Variants in PTPRK observed in about 807,000 individuals in gnomAD.
PTPRK encodes the protein protein tyrosine phosphatase receptor type K, also known as receptor-type tyrosine-protein phosphatase kappa.
PTPRK carries 75 observed loss-of-function variants against 178.0 expected under a neutral mutation model. The ratio of observed to expected loss-of-function variants is 0.42; its 90% CI spans 0.35 to 0.51. The LOEUF (loss-of-function observed/expected upper bound fraction) is 0.51. PTPRK is among the 20% of genes least tolerant of loss of function. The probability of loss-of-function intolerance (pLI) is 0.02; values close to 1 mark genes in which losing one functional copy is unlikely to be tolerated. For missense variants in PTPRK, 1,441 were observed against 1,797.8 expected, an observed-to-expected ratio of 0.80 and a Z score of 3.59; for synonymous variants, 637 against 620.6, an observed-to-expected ratio of 1.03 and a Z score of -0.39.
intron 3 of PTPRK, among the ~76,000 whole-genome samples, chr6:128,299,434 A>G (rs13220411): frequency 3.4e-4 from 51 of 151,538 alleles, no homozygotes; most frequent in Admixed American, 3.4e-3. Flanking sequence ...AGCCAAAAGA[A>G]CAAAGCTGGA....
intron 15 of PTPRK, chr6:128,003,070 A>G: frequency 1.2e-6 from 1 of 857,756 alleles, no homozygotes; most frequent in Non-Finnish European, 1.9e-6. Context: ...TCTCTTTGAT[A>G]ATACCATGGC....
intron 3 of PTPRK, among the ~76,000 whole-genome samples, chr6:128,286,198 C>T (rs533307228): frequency 2.6e-5 from 4 of 152,242 alleles, no homozygotes; most frequent in South Asian, 2.1e-4. Context: ...TACTAGGTGA[C>T]GTCATGGTGT....
At chr6:128,295,527 G>A (rs984961741) in intron 3 of PTPRK, among the ~76,000 whole-genome samples, 4 of 152,062 alleles carry the variant, frequency 2.6e-5, no homozygotes, top group Admixed American at 1.3e-4. Context: ...ATGTGTAAAA[G>A]ATGCAGCAAT....
chr6:128,499,621 T>C (rs1385333475), intron 1 of PTPRK, among the ~76,000 whole-genome samples: 3 of 152,232 alleles, frequency 2.0e-5, no homozygotes, highest in Non-Finnish European at 2.9e-5. Flanking sequence ...GTTGTGTGAA[T>C]AGGATTTATA....
At chr6:128,490,980 T>C (rs755304336) in intron 1 of PTPRK, among the ~76,000 whole-genome samples, 1 of 152,202 alleles carries the variant, frequency 6.6e-6, no homozygotes, top group Non-Finnish European at 1.5e-5. Context: ...ATGACCTCTT[T>C]AAAGTCCCTA....
intron 2 of PTPRK, among the ~76,000 whole-genome samples, chr6:128,365,684 T>C (rs1835383014): frequency 6.6e-6 from 1 of 152,138 alleles, no homozygotes; most frequent in Admixed American, 6.6e-5. Context: ...GTTATCAATA[T>C]CAGCCTTGTC....
At chr6:128,116,230 G>A in intron 7 of PTPRK, among the ~76,000 whole-genome samples, 1 of 151,982 alleles carries the variant, frequency 6.6e-6, no homozygotes. Flanking sequence ...TTTAGATTTA[G>A]GACCTACAAC....
intron 3 of PTPRK, among the ~76,000 whole-genome samples, chr6:128,282,300 A>G (rs1201617062): frequency 6.6e-6 from 1 of 152,238 alleles, no homozygotes; most frequent in African/African-American, 2.4e-5. Flanking sequence ...TATAAACATA[A>G]AAGTACTAAT....
intron 1 of PTPRK, among the ~76,000 whole-genome samples, chr6:128,425,340 G>A (rs1227558180): frequency 6.6e-6 from 1 of 152,026 alleles, no homozygotes; most frequent in Non-Finnish European, 1.5e-5. Flanking sequence ...GCCTCCCAAA[G>A]TGCTGGGATT....
chr6:128,506,930 C>CATT (rs1856460035), intron 1 of PTPRK, among the ~76,000 whole-genome samples: 1 of 152,094 alleles, frequency 6.6e-6, no homozygotes, highest in Non-Finnish European at 1.5e-5. Flanking sequence ...CTGGCAATTT[C>CATT]ATTAACAATA....
intron 7 of PTPRK, among the ~76,000 whole-genome samples, chr6:128,099,069 T>G (rs911266672): frequency 2.0e-5 from 3 of 151,802 alleles, no homozygotes; most frequent in Non-Finnish European, 2.9e-5. Context: ...AATATAACAT[T>G]GATTAAATTT....
intron 6 of PTPRK, among the ~76,000 whole-genome samples, chr6:128,208,897 T>C (rs535875842): frequency 1.3e-5 from 2 of 152,248 alleles, no homozygotes; most frequent in South Asian, 2.1e-4. Context: ...TTAACATCTA[T>C]GCTCTCAAAT....
At chr6:128,440,903 G>A (rs762564731) in intron 1 of PTPRK, among the ~76,000 whole-genome samples, 2 of 151,692 alleles carry the variant, frequency 1.3e-5, no homozygotes, top group Non-Finnish European at 2.9e-5. Flanking sequence ...TATCTTGTAC[G>A]TAGACATTTT....
chr6:127,984,361 T>C (rs898420916), intron 22 of PTPRK, among the ~76,000 whole-genome samples: 26 of 152,204 alleles, frequency 1.7e-4, no homozygotes, highest in African/African-American at 6.3e-4. Flanking sequence ...TGTCCTTTAA[T>C]TGTAATATAC....
intron 1 of PTPRK, among the ~76,000 whole-genome samples, chr6:128,509,311 T>A (rs62425737): frequency 6.6e-6 from 1 of 152,118 alleles, no homozygotes; most frequent in Non-Finnish European, 1.5e-5. Context: ...AGGAAATACA[T>A]ATATGTGAAA....
At chr6:128,151,776 G>A (rs529605004) in intron 7 of PTPRK, among the ~76,000 whole-genome samples, 1 of 152,010 alleles carries the variant, frequency 6.6e-6, no homozygotes, top group Non-Finnish European at 1.5e-5. Context: ...GAGTGATCAA[G>A]GAAACAGAAT....
chr6:128,390,911 G>C (rs1037439423), intron 2 of PTPRK, among the ~76,000 whole-genome samples: 1 of 152,162 alleles, frequency 6.6e-6, no homozygotes. Context: ...TTTTCTAAAA[G>C]TGCTTGAGTC....
chr6:128,330,943 T>C (rs1324981568), intron 2 of PTPRK, among the ~76,000 whole-genome samples: 1 of 152,180 alleles, frequency 6.6e-6, no homozygotes, highest in African/African-American at 2.4e-5. Flanking sequence ...CTCCATGCAC[T>C]GGACCTTCCT....
chr6:128,445,661 T>C (rs867603416), intron 1 of PTPRK, among the ~76,000 whole-genome samples: 6 of 152,262 alleles, frequency 3.9e-5, no homozygotes, highest in African/African-American at 4.8e-5. Flanking sequence ...ATGGCAATTA[T>C]ATATTTGATT....
Sources: gnomAD v4.1 joint callset for allele counts (sites outside exome capture counted in the v4.1 genomes callset) on GRCh38, gnomAD v4.1.1 for gene constraint, MANE v1.5 for transcripts, NCBI Gene and HGNC (gene_info 2026-07-23, HGNC 2026-07-21) for gene names.